Variants in USP48 observed in about 807,000 individuals in gnomAD.
USP48 encodes the protein ubiquitin specific peptidase 48.
In USP48, 43 loss-of-function variants were observed where a neutral mutation model predicts 150.7. That is an observed-to-expected ratio of 0.29 (90% CI 0.22 to 0.37). The LOEUF (loss-of-function observed/expected upper bound fraction) is 0.37. Among genes scored for constraint, USP48 ranks in the 10% least tolerant of loss-of-function variants. USP48 has a pLI of 1.00. For synonymous variants in USP48, 396 were observed against 425.9 expected, an observed-to-expected ratio of 0.93 and a Z score of 0.86; for missense variants, 813 against 1,249.6, an observed-to-expected ratio of 0.65 and a Z score of 5.27.
intron 25 of USP48, 139 bp downstream of exon 25, chr1:21,687,052 A>G: frequency 1.3e-6 from 1 of 756,372 alleles, no homozygotes; most frequent in Non-Finnish European, 2.2e-6. Context: ...TTTTAAGATA[A>G]TGTATTCTAC....
At chr1:21,708,095 G>C (rs910545234) in intron 15 of USP48, among the ~76,000 whole-genome samples, 2 of 152,214 alleles carry the variant, frequency 1.3e-5, no homozygotes, top group African/African-American at 4.8e-5. Context: ...CTAGGAGGCA[G>C]AGGTGGCAGT....
chr1:21,683,050 C>T (rs1467430603), intron 25 of USP48, among the ~76,000 whole-genome samples: 1 of 152,096 alleles, frequency 6.6e-6, no homozygotes, highest in Non-Finnish European at 1.5e-5. Flanking sequence ...CACCTGACGA[C>T]AGGAATTTGA....
chr1:21,763,109 T>C (rs910750007), intron 1 of USP48, among the ~76,000 whole-genome samples: 4 of 152,186 alleles, frequency 2.6e-5, no homozygotes, highest in South Asian at 2.1e-4. Flanking sequence ...ACACAACCTA[T>C]GGCCTAAATA....
chr1:21,743,943 T>TA (rs1157831547), intron 8 of USP48, among the ~76,000 whole-genome samples: 7 of 151,828 alleles, frequency 4.6e-5, no homozygotes. Context: ...GCAAGATCAC[T>TA]AAAAAAAAGA....
intron 25 of USP48, among the ~76,000 whole-genome samples, chr1:21,684,670 G>A (rs2152492993): frequency 1.6e-5 from 1 of 63,244 alleles, no homozygotes; most frequent in Non-Finnish European, 4.5e-5. Flanking sequence ...CAATTTCATA[G>A]TTTCAAGTCT....
chr1:21,746,113 T>TA (rs1557554868), intron 8 of USP48, among the ~76,000 whole-genome samples: 2 of 152,242 alleles, frequency 1.3e-5, no homozygotes, highest in South Asian at 2.1e-4. Flanking sequence ...AAATGTCTCT[T>TA]AAAGGTTTTT....
At chr1:21,728,358 T>C in intron 11 of USP48, 1 of 1,297,208 alleles carries the variant, frequency 7.7e-7, no homozygotes, top group Non-Finnish European at 9.7e-7. Context: ...TATTAACAGC[T>C]TCCCATTTTT....
chr1:21,695,033 T>C, intron 23 of USP48, 33 bp downstream of exon 23: 1 of 1,592,098 alleles, frequency 6.3e-7, no homozygotes, highest in Non-Finnish European at 8.5e-7. Context: ...CCCTTTTAAG[T>C]CCAGAGCAAA....
At chr1:21,765,376 G>A (rs1293317651) in intron 1 of USP48, among the ~76,000 whole-genome samples, 1 of 152,164 alleles carries the variant, frequency 6.6e-6, no homozygotes, top group African/African-American at 2.4e-5. Context: ...AGCATTTTGG[G>A]AGGTCGAGGC....
chr1:21,767,540 G>T (rs1227550941), intron 1 of USP48, among the ~76,000 whole-genome samples: 1 of 151,838 alleles, frequency 6.6e-6, no homozygotes. Flanking sequence ...GGCCAGGCTG[G>T]TCTCGATCTC....
chr1:21,704,410 A>G lies in USP48; in HGVS notation c.2385-18T>C. ...GAGCTATACTGTGCAAAAAAAAAAC[A>G]CAACATGCCTTAAGACACATGGAAA... is the stretch of plus-strand genomic sequence containing the variant. On this transcript the variant is annotated intron_variant, in intron 19 of 26. Transcript: ENST00000308271. 1 of 1,585,100 alleles carries G rather than the reference A, an allele frequency of 6.3e-7. No individual in the cohort carries two copies. Among genetic ancestry groups the G allele is most frequent in the South Asian group, 1.2e-5 (1 of 85,300 alleles).
At chr1:21,708,884 C>CAAAAAAA (rs1181628764) in intron 15 of USP48, among the ~76,000 whole-genome samples, 11 of 16,600 alleles carry the variant, frequency 6.6e-4, no homozygotes, top group Non-Finnish European at 1.3e-3. Context: ...GACTCCGTCT[C>CAAAAAAA]AAAAAAAAAA....
intron 2 of USP48, 124 bp from the exon 3 acceptor site, chr1:21,756,826 C>G: frequency 3.5e-6 from 5 of 1,445,542 alleles, no homozygotes; most frequent in Non-Finnish European, 4.5e-6. Context: ...ATGGTATAGC[C>G]ACCTTAAGTT....
chr1:21,699,491 C>A (rs2097648540), intron 22 of USP48, among the ~76,000 whole-genome samples: 1 of 151,282 alleles, frequency 6.6e-6, no homozygotes, highest in Non-Finnish European at 1.5e-5. Flanking sequence ...AGCCACCGTG[C>A]CTGGCCTAAT....
Position 21,729,807 on chromosome 1 carries a change from A to C in USP48, c.1197T>G (p.Arg399=). Residue 399 remains arginine (R), a synonymous_variant, in exon 10 of 27, where the codon CGT becomes CGG. Transcript: ENST00000308271. ...GAGTTCCTTTGCCACACTTGGGTTT[A>C]CGTGTCTGAGACTTAGAAGGTTCTG... is the stretch of plus-strand genomic sequence containing the variant. The part of the protein sequence containing the change: ...DLAEPSKSQT[R]KPKCGKGTHC... 2 of 1,614,116 alleles carry C rather than the reference A, an allele frequency of 1.2e-6. No homozygotes were observed. The highest frequency in any genetic ancestry group is 1.7e-6 in the Non-Finnish European group (2 of 1,179,978).
In USP48 at chr1:21,751,594, C is replaced by A; in HGVS notation, c.687G>T (p.Glu229Asp). The A allele has an allele frequency of 6.2e-7, 1 of 1,613,942 alleles. No homozygotes were observed. Among genetic ancestry groups the A allele is most frequent in the Non-Finnish European group, 8.5e-7 (1 of 1,179,924 alleles). Residue 229 changes from glutamate (E) to aspartate (D), a missense_variant, in exon 6 of 27, where the codon GAG becomes GAT. By Grantham distance (45) the Glu-to-Asp change is conservative. Coordinates refer to ENST00000308271, the MANE Select transcript of USP48 (RefSeq NM_032236.8). The part of the protein sequence containing the change: ...YVTVCNQCGR[E>D]SKLLSKFYEL... ...CATAAAATTTTGACAAAAGCTTAGA[C>A]TCTCTGCCACACTGGTTGCAACTAT...
intron 24 of USP48, among the ~76,000 whole-genome samples, chr1:21,688,722 A>G (rs2097586468): frequency 6.6e-6 from 1 of 151,600 alleles, no homozygotes; most frequent in South Asian, 2.1e-4. Flanking sequence ...ACACGCCTGT[A>G]ATCCCAGATA....
chr1:21,724,218 T>G, intron 11 of USP48, 123 bp from the exon 12 acceptor site: 2 of 980,134 alleles, frequency 2.0e-6, no homozygotes, highest in Non-Finnish European at 3.1e-6. Flanking sequence ...AGAAGAATCA[T>G]TGTCTGGGGG....
At chr1:21,709,344 A>C (rs567825750) in intron 15 of USP48, among the ~76,000 whole-genome samples, 1 of 152,234 alleles carries the variant, frequency 6.6e-6, no homozygotes, top group South Asian at 2.1e-4. Flanking sequence ...GTGGGCTGTT[A>C]ATTTAAATTT....
Sources: allele counts gnomAD v4.1 joint callset (sites outside exome capture counted in the v4.1 genomes callset), GRCh38; gene constraint gnomAD v4.1.1; transcripts MANE v1.5; gene names NCBI Gene and HGNC (gene_info 2026-07-23, HGNC 2026-07-21).